The following CNTNAP2 variants were observed in gnomAD, a reference collection of about 807,000 sequenced individuals.
CNTNAP2 encodes the protein contactin associated protein 2.
A neutral mutation model predicts 155.2 loss-of-function variants in CNTNAP2; 98 were observed. That is an observed-to-expected ratio of 0.63 (90% CI 0.54 to 0.75). The LOEUF is 0.75. CNTNAP2 is among the 30% of genes least tolerant of loss of function. The probability of loss-of-function intolerance (pLI) is 0.00; values close to 1 mark genes in which losing one functional copy is unlikely to be tolerated. For missense variants in CNTNAP2, 1,727 were observed against 1,688.1 expected, an observed-to-expected ratio of 1.02 and a Z score of -0.40; for synonymous variants, 651 against 631.2, an observed-to-expected ratio of 1.03 and a Z score of -0.47.
At chr7:147,115,502 G>T (rs1800968041) in intron 5 of CNTNAP2, among the ~76,000 whole-genome samples, 1 of 152,112 alleles carries the variant, frequency 6.6e-6, no homozygotes, top group African/African-American at 2.4e-5. Flanking sequence ...ATTTCTCAGA[G>T]GTTTTGTTAA....
At chr7:147,085,277 C>A (rs1383164283) in intron 4 of CNTNAP2, among the ~76,000 whole-genome samples, 1 of 152,146 alleles carries the variant, frequency 6.6e-6, no homozygotes. Context: ...AGCCTCCAGG[C>A]CACGGACCTA....
chr7:147,227,693 C>A (rs781453111), intron 8 of CNTNAP2, among the ~76,000 whole-genome samples: 7 of 152,092 alleles, frequency 4.6e-5, no homozygotes, highest in African/African-American at 7.2e-5. Flanking sequence ...TTACATACAG[C>A]CTGCTTTTGG....
chr7:146,280,761 C>A (rs1375281743), intron 1 of CNTNAP2, among the ~76,000 whole-genome samples: 1 of 152,124 alleles, frequency 6.6e-6, no homozygotes, highest in Non-Finnish European at 1.5e-5. Context: ...GTTTGGAGGC[C>A]CAGCCAGCTT....
At position 146,370,424 on chromosome 7, in the gene CNTNAP2, C is replaced by T. The variant is rs192503670; in HGVS notation, c.97+253451C>T. Among the ~76,000 whole-genome samples the T allele has an allele frequency of 5.2e-3, 787 of 151,066 alleles. 9 individuals carry two copies. The highest frequency in any genetic ancestry group is 0.018 in the African/African-American group (749 of 41,162). On this transcript the variant is annotated intron_variant, in intron 1 of 23. Coordinates refer to ENST00000361727, the MANE Select transcript of CNTNAP2 (RefSeq NM_014141.6). ...CTGCACTCCAGCCTGGGGGACAGAG[C>T]GAGACTCCTTTTCAAAAAAGAGAAA...
At chr7:146,589,580 C>A (rs1798749195) in intron 1 of CNTNAP2, among the ~76,000 whole-genome samples, 1 of 151,394 alleles carries the variant, frequency 6.6e-6, no homozygotes, top group Non-Finnish European at 1.5e-5. Context: ...AGGGGAACAT[C>A]ACACATTGGG....
intron 4 of CNTNAP2, among the ~76,000 whole-genome samples, chr7:147,048,300 C>T (rs1044838194): frequency 6.6e-6 from 1 of 151,898 alleles, no homozygotes; most frequent in Non-Finnish European, 1.5e-5. Flanking sequence ...AGAATGTGAA[C>T]ACCTTGGAAC....
chr7:146,920,625 T>C (rs1796480878), intron 3 of CNTNAP2, among the ~76,000 whole-genome samples: 1 of 152,198 alleles, frequency 6.6e-6, no homozygotes, highest in South Asian at 2.1e-4. Context: ...ATGTCTTTAA[T>C]AATTTCACAC....
At chr7:147,662,369 C>G (rs1795626178) in intron 13 of CNTNAP2, among the ~76,000 whole-genome samples, 1 of 152,280 alleles carries the variant, frequency 6.6e-6, no homozygotes. Context: ...AATCAAGGAG[C>G]TGATTAACAG....
intron 19 of CNTNAP2, among the ~76,000 whole-genome samples, chr7:148,224,635 G>C (rs529524238): frequency 2.0e-5 from 3 of 152,294 alleles, no homozygotes; most frequent in African/African-American, 4.8e-5. Context: ...GAAAACATGG[G>C]GAAGAAGACG....
At chr7:147,366,811 ACC>A (rs1554475325) in intron 9 of CNTNAP2, among the ~76,000 whole-genome samples, 43 of 88,924 alleles carry the variant, frequency 4.8e-4, no homozygotes, top group African/African-American at 1.1e-3. Flanking sequence ...ACACACACAC[ACC>A]CCAATGTTTA....
intron 2 of CNTNAP2, among the ~76,000 whole-genome samples, chr7:146,792,543 T>C (rs1436779134): frequency 6.6e-6 from 1 of 152,206 alleles, no homozygotes; most frequent in Non-Finnish European, 1.5e-5. Flanking sequence ...AAATCAGTGT[T>C]GAAAGGCTGC....
chr7:146,902,083 A>G (rs1200045820), intron 3 of CNTNAP2, among the ~76,000 whole-genome samples: 1 of 151,352 alleles, frequency 6.6e-6, no homozygotes, highest in African/African-American at 2.4e-5. Flanking sequence ...ACGGGGTTTC[A>G]CCGTGTTAGC....
intron 4 of CNTNAP2, among the ~76,000 whole-genome samples, chr7:147,059,758 T>C (rs994086027): frequency 6.6e-6 from 1 of 152,158 alleles, no homozygotes; most frequent in Non-Finnish European, 1.5e-5. Context: ...ATTTTGCAAA[T>C]GACAAAACCG....
intron 9 of CNTNAP2, among the ~76,000 whole-genome samples, chr7:147,319,510 T>A (rs1186940048): frequency 6.6e-6 from 1 of 152,142 alleles, no homozygotes; most frequent in East Asian, 1.9e-4. Flanking sequence ...CCCTAGTAGC[T>A]GGGACTATAG....
chr7:146,165,964 A>T (rs1315235921), intron 1 of CNTNAP2, among the ~76,000 whole-genome samples: 1 of 152,200 alleles, frequency 6.6e-6, no homozygotes, highest in Non-Finnish European at 1.5e-5. Flanking sequence ...TTACAAAATC[A>T]AAACAATGTG....
chr7:146,714,146 A>T (rs1801147122), intron 1 of CNTNAP2, among the ~76,000 whole-genome samples: 1 of 152,140 alleles, frequency 6.6e-6, no homozygotes, highest in Non-Finnish European at 1.5e-5. Context: ...GCCTTCCGTG[A>T]CGCATGATCA....
chr7:147,969,726 T>C (rs1801297074), intron 14 of CNTNAP2, among the ~76,000 whole-genome samples: 2 of 152,090 alleles, frequency 1.3e-5, no homozygotes, highest in African/African-American at 2.4e-5. Flanking sequence ...TTTAAAAATA[T>C]TTAACAAAAA....
At chr7:147,233,372 T>C (rs1471194868) in intron 8 of CNTNAP2, among the ~76,000 whole-genome samples, 4 of 152,302 alleles carry the variant, frequency 2.6e-5, no homozygotes, top group African/African-American at 7.2e-5. Context: ...CAATATTTCT[T>C]TTCTTACATT....
chr7:147,547,854 C>T (rs749856548), intron 11 of CNTNAP2, among the ~76,000 whole-genome samples: 1 of 152,002 alleles, frequency 6.6e-6, no homozygotes, highest in Non-Finnish European at 1.5e-5. Context: ...TGAGAACATG[C>T]GGTGTTGGGT....
Sources: allele counts gnomAD v4.1 joint callset (sites outside exome capture counted in the v4.1 genomes callset), GRCh38; gene constraint gnomAD v4.1.1; transcripts MANE v1.5; gene names NCBI Gene and HGNC (gene_info 2026-07-23, HGNC 2026-07-21).